PARD3B: variants seen among roughly 807,000 people sequenced by gnomAD.
The protein encoded by PARD3B is partitioning defective 3 homolog B.
A neutral mutation model predicts 130.2 loss-of-function variants in PARD3B; 103 were observed. That is an observed-to-expected ratio of 0.79 (90% CI 0.67 to 0.93). The LOEUF (loss-of-function observed/expected upper bound fraction) is 0.93. Among genes scored for constraint, PARD3B ranks in the 40% least tolerant of loss-of-function variants. The pLI, the probability that PARD3B is intolerant of heterozygous loss-of-function variation, is 0.00. For missense variants in PARD3B, 1,609 were observed against 1,499.2 expected (o/e 1.07, Z -1.21); for synonymous variants, 583 against 553.2 (o/e 1.05, Z -0.76).
rs1409482777 is a variant in PARD3B, at chr2:205,288,170, C to T, written c.2186-12360C>T. On this transcript the variant is annotated intron_variant, in intron 16 of 22. Coordinates refer to ENST00000406610, the MANE Select transcript of PARD3B (RefSeq NM_001302769.2). The surrounding 1 kb of genome is among the most constrained non-coding windows in gnomAD (Gnocchi z 4.0). ...ACAATGAAGCCATGCCAGGAGGAAG[C>T]CTAGGGGTAGCAGGCAGTGCCCCCT... Among the ~76,000 whole-genome samples, 1 of 152,032 alleles carries T rather than the reference C, an allele frequency of 6.6e-6. No individual in the cohort carries two copies. Among genetic ancestry groups the T allele is most frequent in the Non-Finnish European group, 1.5e-5 (1 of 68,012 alleles).
intron 15 of PARD3B, 135 bp from the exon 16 acceptor site, chr2:205,245,643 G>T (rs1283321580): frequency 9.8e-6 from 6 of 609,354 alleles, no homozygotes; most frequent in Admixed American, 8.7e-5. Flanking sequence ...AGGGTAGGCT[G>T]GGAGAAAAAA....
At chr2:205,174,306 C>A (rs2035343760) in intron 12 of PARD3B, among the ~76,000 whole-genome samples, 2 of 152,066 alleles carry the variant, frequency 1.3e-5, no homozygotes, top group Non-Finnish European at 2.9e-5. Flanking sequence ...AGAACTGGGT[C>A]AAAAAGCAAT....
Position 205,121,718 on chromosome 2 carries a change from G to A in PARD3B, c.934G>A (p.Gly312Ser). 6.2e-7 allele frequency: 1 copy of A among 1,614,050 alleles called. No individual in the cohort carries two copies. The highest frequency in any genetic ancestry group is 1.1e-5 in the South Asian group (1 of 91,072). The change falls in exon 8 of 23, where the codon GGC (glycine) becomes AGC (serine). Residue 312 changes from glycine to serine, a missense_variant. Gly to Ser is a moderately conservative substitution (Grantham distance 56). Coordinates refer to ENST00000406610, the MANE Select transcript of PARD3B (RefSeq NM_001302769.2). This position sits in a 1 kb window ranked among gnomAD's most constrained non-coding sequence, Gnocchi z 5.0. Reference sequence around the variant, plus strand: ...TCTTAACATTTTTGGTAATAATGATGGCGTTTTGAAAACCAAAGTGCCGCC... The same window carrying A: ...TCTTAACATTTTTGGTAATAATGATAGCGTTTTGAAAACCAAAGTGCCGCC... Reference protein sequence around the residue: ...GSLNIFGNNDGVLKTKVPPPV... With the variant: ...GSLNIFGNNDSVLKTKVPPPV...
At position 205,312,810 on chromosome 2, in the gene PARD3B, C is replaced by CT. The variant is rs549613277; in HGVS notation, c.2630+11117dup. On this transcript the variant is annotated intron_variant, in intron 18 of 22. Transcript: ENST00000406610. ...ATTCGGGTTGGAAAGAGCAATGACCCTTTTTTTTCCATTATTACTATCACA... is the reference window on the plus strand; with the variant it reads ...ATTCGGGTTGGAAAGAGCAATGACCCTTTTTTTTTCCATTATTACTATCACA... Among the ~76,000 whole-genome samples the CT allele has an allele frequency of 1.9e-3, 285 of 152,162 alleles. 3 individuals are homozygous for CT. The highest frequency in any genetic ancestry group is 6.5e-3 in the African/African-American group (270 of 41,530).
At chr2:204,590,057 C>T (rs1038448285) in intron 1 of PARD3B, among the ~76,000 whole-genome samples, 18 of 152,124 alleles carry the variant, frequency 1.2e-4, no homozygotes, top group African/African-American at 4.1e-4. Context: ...TTGTATTAGT[C>T]TGTTCTGACT....
intron 22 of PARD3B, among the ~76,000 whole-genome samples, chr2:205,578,322 G>C (rs1450311663): frequency 6.6e-6 from 1 of 152,104 alleles, no homozygotes; most frequent in Non-Finnish European, 1.5e-5. Flanking sequence ...CAAAGCAAGA[G>C]GTTTATATCC....
At chr2:204,639,890 C>T (rs528818178) in intron 1 of PARD3B, among the ~76,000 whole-genome samples, 113 of 152,294 alleles carry the variant, frequency 7.4e-4, no homozygotes, top group African/African-American at 2.6e-3. Flanking sequence ...GACATAGGAA[C>T]ACAGGCTATC....
chr2:204,803,264 CGGTTCTA>C (rs2042642857), intron 2 of PARD3B, among the ~76,000 whole-genome samples: 1 of 150,182 alleles, frequency 6.7e-6, no homozygotes, highest in Admixed American at 6.7e-5. Flanking sequence ...AACACCAGAC[CGGTTCTA>C]TAAGAAGTGC....
At position 205,515,561 on chromosome 2, in the gene PARD3B, G is replaced by A. The variant is rs530367787; in HGVS notation, c.3180+15530G>A. On this transcript the variant is annotated intron_variant, in intron 21 of 22. Transcript: ENST00000406610. The stretch of plus-strand genomic sequence containing the variant: ...TCTGATGGGTGTGAGATGGTATCGC[G>A]ATATTGAGTTTTTTTTAATGTGCTT... Among the ~76,000 whole-genome samples, 5 of 135,570 alleles carry A rather than the reference G, an allele frequency of 3.7e-5. No homozygotes were observed. The South Asian group carries it at 1.1e-3, about 30-fold the overall frequency. The allele number at this position is 135,570 out of a possible 152,430, so 88.9% of individuals were successfully genotyped here.
intron 4 of PARD3B, among the ~76,000 whole-genome samples, chr2:205,073,477 GA>G (rs992666156): frequency 4.6e-5 from 7 of 151,900 alleles, no homozygotes; most frequent in African/African-American, 7.2e-5. Flanking sequence ...ATTTTTTCGG[GA>G]AAAAAAGTCC....
intron 16 of PARD3B, among the ~76,000 whole-genome samples, chr2:205,261,247 A>AAATGAATG (rs561942515): frequency 1.6e-4 from 25 of 152,066 alleles, no homozygotes; most frequent in African/African-American, 6.0e-4. Context: ...ATTGTTTGTT[A>AAATGAATG]AATGAATGAA....
chr2:205,487,580 G>T (rs2049495079), intron 20 of PARD3B, among the ~76,000 whole-genome samples: 1 of 152,160 alleles, frequency 6.6e-6, no homozygotes, highest in African/African-American at 2.4e-5. Flanking sequence ...GAAAGGTTAG[G>T]TACCCAGCTG....
At position 204,616,381 on chromosome 2, in the gene PARD3B, A is replaced by G. The variant is rs577706499; in HGVS notation, c.121-69800A>G. Among the ~76,000 whole-genome samples, 4 of 152,350 alleles carry G rather than the reference A, an allele frequency of 2.6e-5. No individual in the cohort carries two copies. The East Asian group carries it at 7.7e-4, about 29-fold the overall frequency. On this transcript the variant is annotated intron_variant, in intron 1 of 22. Coordinates refer to ENST00000406610, the MANE Select transcript of PARD3B (RefSeq NM_001302769.2). ...CACATGAAAAGATGATCCACATCATATGTCATCAGGGAAATGCAAATTAAA... is the reference window on the plus strand; with the variant it reads ...CACATGAAAAGATGATCCACATCATGTGTCATCAGGGAAATGCAAATTAAA...
chr2:205,492,957 A>G lies in PARD3B; in HGVS notation c.3045-6939A>G, dbSNP rs1378465075. On this transcript the variant is annotated intron_variant, in intron 20 of 22. Coordinates refer to ENST00000406610, the MANE Select transcript of PARD3B (RefSeq NM_001302769.2). Reference sequence around the variant, plus strand: ...TAAATGCTCTTCAATTAAGAATCCTAAATGCATGTACAAGAGTCTCTCAAA... The same window carrying G: ...TAAATGCTCTTCAATTAAGAATCCTGAATGCATGTACAAGAGTCTCTCAAA... Among the ~76,000 whole-genome samples, 3 of 152,236 alleles carry G rather than the reference A, an allele frequency of 2.0e-5. No homozygotes were observed. In the East Asian group the frequency reaches 5.8e-4, roughly 29 times the overall value.
At chr2:204,582,019 CA>C (rs2032582678) in intron 1 of PARD3B, among the ~76,000 whole-genome samples, 1 of 152,146 alleles carries the variant, frequency 6.6e-6, no homozygotes, top group South Asian at 2.1e-4. Context: ...AATGGTTTGG[CA>C]TGCAGAAGGA....
At chr2:204,572,392 G>C (rs1391471234) in intron 1 of PARD3B, among the ~76,000 whole-genome samples, 2 of 152,046 alleles carry the variant, frequency 1.3e-5, no homozygotes, top group African/African-American at 4.8e-5. Context: ...GGGGAGGAAA[G>C]AACCAGGCTG....
chr2:204,698,386 A>G (rs1452412880), intron 2 of PARD3B, among the ~76,000 whole-genome samples: 2 of 152,144 alleles, frequency 1.3e-5, no homozygotes, highest in Non-Finnish European at 2.9e-5. Flanking sequence ...TTGTCAATGA[A>G]AGAATTACAC....
At chr2:204,718,796 G>C (rs944579727) in intron 2 of PARD3B, among the ~76,000 whole-genome samples, 24 of 152,210 alleles carry the variant, frequency 1.6e-4, no homozygotes, top group Admixed American at 3.9e-4. Flanking sequence ...CTGCCTTTGA[G>C]ATATGTGTAT....
At chr2:205,085,733 C>A (rs1015705894) in intron 4 of PARD3B, among the ~76,000 whole-genome samples, 3 of 151,670 alleles carry the variant, frequency 2.0e-5, no homozygotes, top group African/African-American at 7.3e-5. Flanking sequence ...AATTATTGGC[C>A]CTAAAACCTT....
Sources: gnomAD v4.1 joint callset for allele counts (sites outside exome capture counted in the v4.1 genomes callset) on GRCh38, gnomAD v4.1.1 for gene constraint, Gnocchi (gnomAD v3.1) non-coding constraint, MANE v1.5 for transcripts, NCBI Gene and HGNC (gene_info 2026-07-23, HGNC 2026-07-21) for gene names.